Variants in LEKR1 observed in about 807,000 individuals in gnomAD.
LEKR1 encodes the protein protein LEKR1.
Under a neutral mutation model 72.4 loss-of-function variants are expected in LEKR1, and 59 were observed. That is an observed-to-expected ratio of 0.82 (90% CI 0.66 to 1.01). The LOEUF (loss-of-function observed/expected upper bound fraction) is 1.01, where lower values mean the gene tolerates loss of function less well. Among genes scored for constraint, LEKR1 ranks in the 50% least tolerant of loss-of-function variants. LEKR1 has a pLI of 0.00. For synonymous variants in LEKR1, 257 were observed against 263.2 expected (o/e 0.98, Z 0.23); for missense variants, 728 against 759.2 (o/e 0.96, Z 0.48).
chr3:156,892,964 C>T (rs1278359475), intron 3 of LEKR1, among the ~76,000 whole-genome samples: 1 of 152,108 alleles, frequency 6.6e-6, no homozygotes, highest in Non-Finnish European at 1.5e-5. Context: ...TTCAAAAGAT[C>T]GTTATCTGGC....
intron 3 of LEKR1, among the ~76,000 whole-genome samples, chr3:156,871,117 C>A (rs557298024): frequency 5.9e-5 from 9 of 152,134 alleles, no homozygotes; most frequent in Non-Finnish European, 1.3e-4. Context: ...TCCCCCCAAC[C>A]CACAACAGTC....
At chr3:156,935,106 T>C (rs1725575152) in intron 5 of LEKR1, among the ~76,000 whole-genome samples, 1 of 152,232 alleles carries the variant, frequency 6.6e-6, no homozygotes, top group African/African-American at 2.4e-5. Context: ...TTACATTTTA[T>C]ATTTTATCAA....
At chr3:156,863,586 A>G (rs1716999277) in intron 3 of LEKR1, among the ~76,000 whole-genome samples, 1 of 152,134 alleles carries the variant, frequency 6.6e-6, no homozygotes, top group Non-Finnish European at 1.5e-5. Context: ...AACTGGGAAC[A>G]GCTTTCAAAT....
At chr3:156,929,757 C>T (rs977016349) in intron 5 of LEKR1, among the ~76,000 whole-genome samples, 1 of 152,106 alleles carries the variant, frequency 6.6e-6, no homozygotes, top group African/African-American at 2.4e-5. Flanking sequence ...TTTCTATTAC[C>T]TGGATATGGA....
At chr3:157,024,700 C>A in intron 10 of LEKR1, 60 bp from the exon 11 acceptor site, 1 of 1,189,812 alleles carries the variant, frequency 8.4e-7, no homozygotes, top group Non-Finnish European at 1.2e-6. Context: ...TGAAAATAAG[C>A]TTAATGTACT....
intron 6 of LEKR1, among the ~76,000 whole-genome samples, chr3:156,972,570 T>C (rs963056058): frequency 1.3e-5 from 2 of 151,982 alleles, no homozygotes; most frequent in South Asian, 2.1e-4. Context: ...ATTTAAAAGA[T>C]TAATATATCA....
At chr3:156,902,724 A>G (rs1332979487) in intron 3 of LEKR1, among the ~76,000 whole-genome samples, 15 of 152,128 alleles carry the variant, frequency 9.9e-5, no homozygotes, top group Admixed American at 9.8e-4. Flanking sequence ...CCTGGTAGAA[A>G]TCAACTTTCA....
Position 156,906,098 on chromosome 3 carries a change from G to A in LEKR1, c.264-14477G>A, listed in dbSNP as rs6802595. ...TTGACAAAAAAGAGTGCAGATTACA[G>A]GTGGTAAAATCCTCGATGATGTGGC... On this transcript the variant is annotated intron_variant, in intron 3 of 12. Coordinates refer to ENST00000356539, the MANE Select transcript of LEKR1 (RefSeq NM_001004316.3). 4.4e-3 allele frequency among the ~76,000 whole-genome samples: 676 copies of A among 152,222 alleles called. 2 individuals are homozygous for A. Among genetic ancestry groups the A allele is most frequent in the African/African-American group, 0.016 (652 of 41,544 alleles).
chr3:157,037,763 G>A (rs1408391901), intron 12 of LEKR1, among the ~76,000 whole-genome samples: 10 of 152,146 alleles, frequency 6.6e-5, no homozygotes, highest in African/African-American at 2.4e-4. Flanking sequence ...GGGTAAAAGG[G>A]ATACTTTCTG....
chr3:156,920,951 T>C, intron 4 of LEKR1: 1 of 217,178 alleles, frequency 4.6e-6, no homozygotes, highest in East Asian at 1.1e-4. Context: ...GCATTTAGAA[T>C]GAAAGCACGG....
intron 12 of LEKR1, among the ~76,000 whole-genome samples, chr3:157,039,138 C>G (rs1735174374): frequency 6.6e-6 from 1 of 152,114 alleles, no homozygotes; most frequent in African/African-American, 2.4e-5. Flanking sequence ...AGGAAAAAAT[C>G]AAGGATTTGC....
At chr3:156,857,865 G>A (rs1229392549) in intron 3 of LEKR1, among the ~76,000 whole-genome samples, 2 of 152,176 alleles carry the variant, frequency 1.3e-5, no homozygotes, top group Non-Finnish European at 2.9e-5. Flanking sequence ...TACAGACTAG[G>A]TTATACTTAT....
chr3:157,023,304 T>C (rs1335920251), intron 10 of LEKR1, among the ~76,000 whole-genome samples: 1 of 152,194 alleles, frequency 6.6e-6, no homozygotes. Flanking sequence ...TGACTCCAGT[T>C]CTAATAGATT....
intron 9 of LEKR1, among the ~76,000 whole-genome samples, chr3:157,009,434 T>C (rs1732720394): frequency 6.6e-6 from 1 of 152,154 alleles, no homozygotes; most frequent in Admixed American, 6.5e-5. Flanking sequence ...GGTTATAGTA[T>C]AACAATTGTT....
intron 3 of LEKR1, among the ~76,000 whole-genome samples, chr3:156,908,506 A>C (rs1432869817): frequency 6.6e-6 from 1 of 152,206 alleles, no homozygotes; most frequent in South Asian, 2.1e-4. Context: ...CAATACTATC[A>C]TTATTTTATT....
intron 10 of LEKR1, among the ~76,000 whole-genome samples, chr3:157,020,433 C>T (rs1465992258): frequency 1.0e-5 from 1 of 96,868 alleles, no homozygotes; most frequent in Non-Finnish European, 2.0e-5. Context: ...CCCCCCTCCC[C>T]CCACCCTACA....
chr3:156,884,878 A>G (rs1719885177), intron 3 of LEKR1, among the ~76,000 whole-genome samples: 2 of 152,240 alleles, frequency 1.3e-5, no homozygotes, highest in African/African-American at 4.8e-5. Context: ...GAAGTTTTCC[A>G]AAGTTTTTGA....
chr3:156,986,291 G>A (rs1730674908), intron 7 of LEKR1, among the ~76,000 whole-genome samples: 2 of 152,174 alleles, frequency 1.3e-5, no homozygotes, highest in South Asian at 4.1e-4. Context: ...GGAAGCTTGG[G>A]GAGAATTCTA....
In LEKR1 at chr3:157,007,247, C is replaced by T. The variant is rs1015863924; in HGVS notation, c.1110-4166C>T. ...ATAAATAAACAAACAAAGAGGCAAC[C>T]CCCTTAACCACCCACCATCTACAGA... On this transcript the variant is annotated intron_variant, in intron 9 of 12. Coordinates refer to ENST00000356539, the MANE Select transcript of LEKR1 (RefSeq NM_001004316.3). Among the ~76,000 whole-genome samples the T allele has an allele frequency of 2.6e-5, 4 of 151,884 alleles. 1 individual carries two copies. Among genetic ancestry groups the T allele is most frequent in the South Asian group, 2.1e-4 (1 of 4,800 alleles).
Sources: gnomAD v4.1 joint callset for allele counts (sites outside exome capture counted in the v4.1 genomes callset) on GRCh38, gnomAD v4.1.1 for gene constraint, MANE v1.5 for transcripts, NCBI Gene and HGNC (gene_info 2026-07-23, HGNC 2026-07-21) for gene names.